AP3D1: variants seen among roughly 807,000 people sequenced by gnomAD.
AP3D1 encodes AP-3 complex subunit delta-1.
A neutral mutation model predicts 147.6 loss-of-function variants in AP3D1; 51 were observed. That is an observed-to-expected ratio of 0.35 (90% CI 0.28 to 0.44). The LOEUF (loss-of-function observed/expected upper bound fraction) is 0.44. Among genes scored for constraint, AP3D1 ranks in the 20% least tolerant of loss-of-function variants. The probability of loss-of-function intolerance (pLI) is 1.00; values close to 1 mark genes in which losing one functional copy is unlikely to be tolerated. For missense variants in AP3D1, 1,421 were observed against 1,624.2 expected, an observed-to-expected ratio of 0.87 and a Z score of 2.15; for synonymous variants, 760 against 663.0, an observed-to-expected ratio of 1.15 and a Z score of -2.25.
At chr19:2,122,888 C>T (rs951535216) in intron 11 of AP3D1, among the ~76,000 whole-genome samples, 1 of 152,212 alleles carries the variant, frequency 6.6e-6, no homozygotes, top group Non-Finnish European at 1.5e-5. Flanking sequence ...AGGCAGGGGC[C>T]GCTAATTCTG....
intron 29 of AP3D1, 30 bp downstream of exon 29, chr19:2,109,843 G>T: frequency 6.2e-7 from 1 of 1,607,056 alleles, no homozygotes; most frequent in South Asian, 1.1e-5. Flanking sequence ...AGGGGGTTCG[G>T]GGACATAGGG....
In AP3D1 at chr19:2,118,645, G is replaced by T; in HGVS notation, c.1669C>A (p.Leu557Met). The change falls in exon 15 of 32, where the codon CTG (leucine) becomes ATG (methionine). Residue 557 changes from leucine to methionine, a missense_variant. Physicochemically the swap from Leu to Met is conservative, Grantham distance 15 (BLOSUM62 2). Transcript: ENST00000643116. ...TCTGCGCTCTGCACAAACTGGGGCAGCCGGTCCACCATGAGCTGGGTGACG... is the reference window on the plus strand; with the variant it reads ...TCTGCGCTCTGCACAAACTGGGGCATCCGGTCCACCATGAGCTGGGTGACG... ...QAVTQLMVDR[L>M]PQFVQSADLE... 6.2e-7 allele frequency: 1 copy of T among 1,612,382 alleles called. No individual in the cohort carries two copies.
upstream of AP3D1, among the ~76,000 whole-genome samples, chr19:2,152,246 A>G (rs1221304565): frequency 6.6e-6 from 1 of 151,978 alleles, no homozygotes; most frequent in Non-Finnish European, 1.5e-5. Context: ...TGTAAAAAAA[A>G]GCTCTGGAAA....
chr19:2,164,202 G>T, intron 1 of AP3D1: 4 of 1,274,176 alleles, frequency 3.1e-6, no homozygotes, highest in East Asian at 3.1e-5. Context: ...AGAAGCTGGA[G>T]CTGAGACTGA....
rs111707404 is a variant in AP3D1 at position 2,109,597 on chromosome 19, T to C, written c.3350+276A>G. ...CCGAGGAGAGGCTTCAGGAGGAGCCTGCCCTGCTGGCTCCTTGGTCTCACC... is the reference window on the plus strand; with the variant it reads ...CCGAGGAGAGGCTTCAGGAGGAGCCCGCCCTGCTGGCTCCTTGGTCTCACC... On this transcript the variant is annotated intron_variant, in intron 29 of 31. Transcript: ENST00000643116. The C allele has an allele frequency of 0.13, 67,673 of 514,030 alleles. 5,145 individuals are homozygous for C. The highest frequency in any genetic ancestry group is 0.15 in the Non-Finnish European group (43,881 of 284,210). 31.8% of individuals were successfully genotyped at this position (514,030 alleles called of 1,614,324 possible).
At chr19:2,114,058 T>C (rs2018363162) in intron 22 of AP3D1, 67 bp downstream of exon 22, 2 of 1,506,014 alleles carry the variant, frequency 1.3e-6, no homozygotes, top group Non-Finnish European at 8.9e-7. Context: ...AGCTCACCGC[T>C]GTCTCCTGGG....
At chr19:2,147,216 A>G (rs983503292) in intron 1 of AP3D1, among the ~76,000 whole-genome samples, 1 of 151,948 alleles carries the variant, frequency 6.6e-6, no homozygotes, top group African/African-American at 2.4e-5. Context: ...GTGGTGGCAC[A>G]TGCCTGTAAT....
chr19:2,132,592 G>A lies in AP3D1; in HGVS notation c.355-14C>T. 2 of 1,594,364 alleles carry A rather than the reference G, an allele frequency of 1.3e-6. No individual in the cohort carries two copies. Among genetic ancestry groups the A allele is most frequent in the Non-Finnish European group, 1.7e-6 (2 of 1,164,052 alleles). On this transcript the variant is annotated splice_polypyrimidine_tract_variant and intron_variant, in intron 4 of 31. Coordinates refer to ENST00000643116, the MANE Select transcript of AP3D1 (RefSeq NM_001261826.3). ...GCTGCTCAAGTCCTGGAAAGTGAGA[G>A]AAAGGGGCCGTGGCCAGGATGCCCT... is the stretch of plus-strand genomic sequence containing the variant.
At chr19:2,103,045 G>T (rs1356518363) in intron 31 of AP3D1, among the ~76,000 whole-genome samples, 2 of 151,696 alleles carry the variant, frequency 1.3e-5, no homozygotes, top group African/African-American at 4.8e-5. Flanking sequence ...GGTCGCTTGA[G>T]CCCAGGAGGG....
At chr19:2,115,920 G>A (rs1052109917) in intron 18 of AP3D1, among the ~76,000 whole-genome samples, 9 of 152,244 alleles carry the variant, frequency 5.9e-5, no homozygotes, top group African/African-American at 1.9e-4. Context: ...AAAGTAATGC[G>A]GCCTCAAGCC....
At chr19:2,127,050 G>A in intron 9 of AP3D1, 102 bp downstream of exon 9, 1 of 1,265,924 alleles carries the variant, frequency 7.9e-7, no homozygotes, top group Admixed American at 1.8e-5. Context: ...TTCCAGCAGG[G>A]GTGGCGCTCG....
rs112775859 is a variant in AP3D1, at chr19:2,135,724, C to T, written c.354+1287G>A. Among the ~76,000 whole-genome samples, 46 of 152,260 alleles carry T rather than the reference C, an allele frequency of 3.0e-4. 1 individual carries two copies. Among genetic ancestry groups the T allele is most frequent in the African/African-American group, 1.1e-3 (44 of 41,548 alleles). The stretch of plus-strand genomic sequence containing the variant: ...CAGGGTCTAACAGCCCTGAGCACCT[C>T]GCAAGGCAGCGGCGGATCTAAGTCC... On this transcript the variant is annotated intron_variant, in intron 4 of 31. Transcript: ENST00000643116.
At chr19:2,153,767 G>A (rs1032292380), upstream of AP3D1, among the ~76,000 whole-genome samples, 2 of 152,162 alleles carry the variant, frequency 1.3e-5, no homozygotes, top group African/African-American at 4.8e-5. Flanking sequence ...AACAGTAGAG[G>A]AATCGCTGGG....
At chr19:2,128,320 G>A (rs544895658) in intron 8 of AP3D1, among the ~76,000 whole-genome samples, 31 of 150,908 alleles carry the variant, frequency 2.1e-4, no homozygotes, top group Admixed American at 5.2e-4. Context: ...GCAGCATGGA[G>A]AAGAGTCTAG....
intron 24 of AP3D1, 84 bp downstream of exon 24, chr19:2,112,776 G>A (rs906843747): frequency 6.5e-6 from 7 of 1,079,396 alleles, no homozygotes; most frequent in South Asian, 6.2e-5. Context: ...TGGGACCTGG[G>A]TGGCGGAAGC....
At chr19:2,160,088 A>C (rs1381560480) in intron 1 of AP3D1, among the ~76,000 whole-genome samples, 1 of 151,294 alleles carries the variant, frequency 6.6e-6, no homozygotes, top group African/African-American at 2.4e-5. Flanking sequence ...TGACCTCATG[A>C]TCTGCCCGCC....
chr19:2,130,383 T>G (rs374821895), intron 6 of AP3D1, 25 bp downstream of exon 6: 18 of 1,613,256 alleles, frequency 1.1e-5, no homozygotes, highest in Admixed American at 8.3e-5. Context: ...CCCTCAACCC[T>G]GAGGCTTAAC....
At chr19:2,109,651 T>C in intron 29 of AP3D1, 1 of 569,078 alleles carries the variant, frequency 1.8e-6, no homozygotes, top group East Asian at 2.9e-5. Context: ...TCCAGGGGCC[T>C]GGACCTCTAT....
chr19:2,147,311 C>T (rs2019382733), intron 1 of AP3D1, among the ~76,000 whole-genome samples: 1 of 144,044 alleles, frequency 6.9e-6, no homozygotes, highest in South Asian at 2.2e-4. Flanking sequence ...CGCCATTGCA[C>T]TCCAGCCTGG....
Sources: allele counts gnomAD v4.1 joint callset (sites outside exome capture counted in the v4.1 genomes callset), GRCh38; gene constraint gnomAD v4.1.1; transcripts MANE v1.5; gene names NCBI Gene and HGNC (gene_info 2026-07-23, HGNC 2026-07-21).